The following SYT14 variants were observed in gnomAD, a reference collection of about 807,000 sequenced individuals.
SYT14 encodes the protein synaptotagmin 14.
In SYT14, 32 loss-of-function variants were observed where a neutral mutation model predicts 74.2. That is an observed-to-expected ratio of 0.43 (90% CI 0.33 to 0.58). The LOEUF is 0.58. SYT14 is among the 20% of genes least tolerant of loss of function. SYT14 has a pLI of 0.05. For missense variants in SYT14, 791 were observed against 981.8 expected (o/e 0.81, Z 2.60); for synonymous variants, 298 against 337.7 (o/e 0.88, Z 1.29).
chr1:209,984,654 GTGTGTAT>G (rs1223192782), intron 2 of SYT14, among the ~76,000 whole-genome samples: 1 of 152,110 alleles, frequency 6.6e-6, no homozygotes. Context: ...CTTTCAACAT[GTGTGTAT>G]TAGTCCATTC....
exon 5 of SYT14, chr1:210,021,213 C>A (rs760619161): frequency 1.9e-6 from 3 of 1,613,910 alleles, no homozygotes; most frequent in Non-Finnish European, 2.5e-6. Flanking sequence ...CCTCTATCGG[C>A]AGAGTATGAT....
intron 2 of SYT14, among the ~76,000 whole-genome samples, chr1:210,002,146 T>A (rs2079911861): frequency 6.6e-6 from 1 of 152,172 alleles, no homozygotes; most frequent in African/African-American, 2.4e-5. Context: ...ATACATTTTT[T>A]TAGTTCTTTT....
chr1:210,102,955 G>A (rs2082094844), intron 7 of SYT14, among the ~76,000 whole-genome samples: 1 of 152,036 alleles, frequency 6.6e-6, no homozygotes, highest in South Asian at 2.1e-4. Flanking sequence ...TGGGATTACA[G>A]GCATGAGGCA....
intron 5 of SYT14, among the ~76,000 whole-genome samples, chr1:210,049,470 A>C (rs2080950003): frequency 6.7e-6 from 1 of 148,454 alleles, no homozygotes; most frequent in South Asian, 2.1e-4. Flanking sequence ...CCTGGGATAC[A>C]TGTGCAGGAC....
intron 7 of SYT14, among the ~76,000 whole-genome samples, chr1:210,114,487 T>C (rs948281923): frequency 6.6e-6 from 1 of 150,874 alleles, no homozygotes; most frequent in Admixed American, 6.6e-5. Context: ...GGAGCTTTAT[T>C]TAATATTGGG....
exon 10 of SYT14, chr1:210,171,184 C>A (rs186288411): frequency 6.6e-6 from 1 of 152,070 alleles, no homozygotes; most frequent in Non-Finnish European, 1.5e-5. Context: ...TATTTCATTA[C>A]CTTGTCCATT....
intron 5 of SYT14, among the ~76,000 whole-genome samples, chr1:210,057,899 A>C (rs997643249): frequency 2.6e-5 from 4 of 152,172 alleles, no homozygotes; most frequent in African/African-American, 9.7e-5. Context: ...AAGGAGGACC[A>C]TCTCTCAGAA....
chr1:209,951,247 C>T (rs751526978), intron 1 of SYT14, among the ~76,000 whole-genome samples: 10 of 152,138 alleles, frequency 6.6e-5, no homozygotes, highest in Non-Finnish European at 1.3e-4. Context: ...AAACTTTGTA[C>T]CCTTTGCAGT....
At chr1:209,951,673 C>A (rs1216795922) in intron 1 of SYT14, among the ~76,000 whole-genome samples, 4 of 152,000 alleles carry the variant, frequency 2.6e-5, no homozygotes, top group African/African-American at 7.3e-5. Flanking sequence ...AGGTTCATAG[C>A]AAAATTAGTC....
At chr1:210,152,949 T>G (rs1391511257) in intron 7 of SYT14, among the ~76,000 whole-genome samples, 1 of 152,188 alleles carries the variant, frequency 6.6e-6, no homozygotes, top group Non-Finnish European at 1.5e-5. Flanking sequence ...CATGTTTTAC[T>G]TAAAATCACA....
chr1:210,033,911 G>T (rs2080596262), intron 5 of SYT14, among the ~76,000 whole-genome samples: 1 of 151,624 alleles, frequency 6.6e-6, no homozygotes, highest in African/African-American at 2.4e-5. Flanking sequence ...CTCAAAGAAA[G>T]AATATACCCT....
chr1:210,073,895 T>C (rs1040467385), intron 5 of SYT14, among the ~76,000 whole-genome samples: 2 of 149,822 alleles, frequency 1.3e-5, no homozygotes, highest in African/African-American at 5.0e-5. Context: ...TATTTGCATA[T>C]ACTATCACAA....
chr1:210,107,568 G>A (rs1360366881), intron 7 of SYT14, among the ~76,000 whole-genome samples: 1 of 152,076 alleles, frequency 6.6e-6, no homozygotes, highest in African/African-American at 2.4e-5. Flanking sequence ...AGAAATGTAA[G>A]AATGCTAATA....
intron 5 of SYT14, among the ~76,000 whole-genome samples, chr1:210,071,226 A>G (rs923062916): frequency 1.7e-5 from 2 of 117,366 alleles, no homozygotes; most frequent in African/African-American, 3.2e-5. Flanking sequence ...GAATTTGTAT[A>G]TATATGTATT....
At chr1:210,155,659 CAATATATCTCTT>C in intron 7 of SYT14, 50 bp from the exon 7 acceptor site, 1 of 1,545,592 alleles carries the variant, frequency 6.5e-7, no homozygotes, top group Non-Finnish European at 8.9e-7. Flanking sequence ...CATGGCATAA[CAATATATCTCTT>C]AATATATCTC....
At chr1:210,041,167 T>C (rs1301510029) in intron 5 of SYT14, among the ~76,000 whole-genome samples, 3 of 152,220 alleles carry the variant, frequency 2.0e-5, no homozygotes, top group Non-Finnish European at 2.9e-5. Flanking sequence ...TCTCCTCTGA[T>C]GTTGGGAAAA....
chr1:210,098,442 T>G (rs1483983302), intron 6 of SYT14, among the ~76,000 whole-genome samples: 1 of 152,196 alleles, frequency 6.6e-6, no homozygotes, highest in Non-Finnish European at 1.5e-5. Flanking sequence ...CCTTCTCTTC[T>G]GTTTCTCTGC....
At chr1:209,943,582 T>C (rs563983906) in intron 1 of SYT14, among the ~76,000 whole-genome samples, 15 of 143,998 alleles carry the variant, frequency 1.0e-4, no homozygotes, top group Non-Finnish European at 2.3e-4. Flanking sequence ...GAGAGAACCA[T>C]ATACTGGCTT....
rs1196789715 is a variant in SYT14 at position 210,056,659 on chromosome 1, C to CAAAAAAAAAAAAAAAAAAAAA, written c.1312+35422_1312+35423insAAAAAAAAAAAAAAAAAAAAA. Among the ~76,000 whole-genome samples the CAAAAAAAAAAAAAAAAAAAAA allele has an allele frequency of 1.3e-4, 10 of 79,374 alleles. 1 individual carries two copies. The East Asian group carries it at 3.5e-3, about 28-fold the overall frequency. The allele number at this position is 79,374 out of a possible 152,430, so 52.1% of individuals were successfully genotyped here. A position where few individuals can be genotyped will look rare whatever the true frequency, so the allele number is the denominator to read the frequency against. On this transcript the variant is annotated intron_variant, in intron 5 of 9. Coordinates refer to ENST00000637265, the Ensembl canonical transcript of SYT14. ...TGAAACCCCGTCTCTACTAAAAATACAAAAAAAAAAAAAAAAATTAGCCGG... is the reference window on the plus strand; with the variant it reads ...TGAAACCCCGTCTCTACTAAAAATACAAAAAAAAAAAAAAAAAAAAAAAAAAAAAAAAAAAAAATTAGCCGG...
Sources: allele counts gnomAD v4.1 joint callset (sites outside exome capture counted in the v4.1 genomes callset), GRCh38; gene constraint gnomAD v4.1.1; transcripts MANE v1.5; gene names NCBI Gene and HGNC (gene_info 2026-07-23, HGNC 2026-07-21).